Variants in USP47 observed in about 807,000 individuals in gnomAD.
The protein encoded by USP47 is ubiquitin specific peptidase 47.
A neutral mutation model predicts 165.1 loss-of-function variants in USP47; 35 were observed. The ratio of observed to expected loss-of-function variants is 0.21; its 90% CI spans 0.16 to 0.28. The LOEUF (loss-of-function observed/expected upper bound fraction) is 0.28, where lower values mean the gene tolerates loss of function less well. USP47 is among the 10% of genes least tolerant of loss of function. The probability of loss-of-function intolerance (pLI) is 1.00; values close to 1 mark genes in which losing one functional copy is unlikely to be tolerated. For missense variants in USP47, 1,277 were observed against 1,607.4 expected, an observed-to-expected ratio of 0.79 and a Z score of 3.52; for synonymous variants, 531 against 544.5, an observed-to-expected ratio of 0.98 and a Z score of 0.35.
rs1854541173 is a variant in USP47 at position 11,930,030 on chromosome 11, T to G, written c.1519-14T>G. 6.2e-7 allele frequency: 1 copy of G among 1,611,026 alleles called. No individual in the cohort carries two copies. Among genetic ancestry groups the G allele is most frequent in the East Asian group, 2.2e-5 (1 of 44,826 alleles). On this transcript the variant is annotated splice_polypyrimidine_tract_variant and intron_variant, in intron 12 of 27. Transcript: ENST00000527733. ...TATAGAATTTGCAAAAAAAATCATG[T>G]AACACATTTTCAGATAACACAAGAG...
intron 8 of USP47, among the ~76,000 whole-genome samples, chr11:11,905,932 C>T (rs763992023): frequency 2.0e-5 from 3 of 151,788 alleles, no homozygotes; most frequent in Non-Finnish European, 4.4e-5. Context: ...GATCCATACA[C>T]TTTTAAAATT....
chr11:11,918,024 A>G (rs528239324), intron 8 of USP47, among the ~76,000 whole-genome samples: 125 of 152,284 alleles, frequency 8.2e-4, no homozygotes, highest in African/African-American at 2.8e-3. Context: ...ATTGCTTATT[A>G]GCCGCGAGAG....
chr11:11,905,978 C>T (rs1366972193), intron 8 of USP47, among the ~76,000 whole-genome samples: 2 of 151,714 alleles, frequency 1.3e-5, no homozygotes. Flanking sequence ...ACAAACAGTC[C>T]ATATTTTTAA....
intron 8 of USP47, among the ~76,000 whole-genome samples, chr11:11,917,066 T>C (rs1160572829): frequency 6.6e-6 from 1 of 152,076 alleles, no homozygotes; most frequent in African/African-American, 2.4e-5. Context: ...GGTAAGAGAA[T>C]TGCTTGAGCC....
intron 1 of USP47, among the ~76,000 whole-genome samples, chr11:11,866,971 C>T (rs1849722889): frequency 6.6e-6 from 1 of 152,048 alleles, no homozygotes; most frequent in Non-Finnish European, 1.5e-5. Flanking sequence ...GATCTTGGCT[C>T]ACTGCAACTT....
rs1299120774 is a variant in USP47, at chr11:11,958,302, A to G, written c.*2127A>G. The G allele has an allele frequency of 1.3e-5, 2 of 152,236 alleles. No individual in the cohort carries two copies. The highest frequency in any genetic ancestry group is 3.8e-4 in the East Asian group (2 of 5,198). The allele number at this position is 152,236 out of a possible 1,614,324, so 9.4% of individuals were successfully genotyped here. On this transcript the variant is annotated 3_prime_UTR_variant, in exon 28 of 28. Coordinates refer to ENST00000527733, the MANE Select transcript of USP47 (RefSeq NM_001282659.2). Reference sequence around the variant, plus strand: ...AACTGCTGTTTCTAATTGCAGGTGTATTACAGATACAAATAAGAGTAAAGA... The same window carrying G: ...AACTGCTGTTTCTAATTGCAGGTGTGTTACAGATACAAATAAGAGTAAAGA...
rs79469618 is a variant in USP47, at chr11:11,944,928, A to G, written c.3091+1816A>G. On this transcript the variant is annotated intron_variant, in intron 20 of 27. Coordinates refer to ENST00000527733, the MANE Select transcript of USP47 (RefSeq NM_001282659.2). ...GTAGGAAAAATTTGATTCGATGGGAATACTTAGAATTATAGTTTGAAAAGT... is the reference window on the plus strand; with the variant it reads ...GTAGGAAAAATTTGATTCGATGGGAGTACTTAGAATTATAGTTTGAAAAGT... 5.8e-3 allele frequency among the ~76,000 whole-genome samples: 882 copies of G among 152,322 alleles called. 25 individuals are homozygous for G. The East Asian group carries it at 0.062, about 11-fold the overall frequency.
At chr11:11,891,751 A>G (rs972109247) in intron 3 of USP47, among the ~76,000 whole-genome samples, 1 of 152,220 alleles carries the variant, frequency 6.6e-6, no homozygotes, top group African/African-American at 2.4e-5. Flanking sequence ...CACGGAGTAC[A>G]ATGGTACTTT....
rs540825447 is a variant in USP47, at chr11:11,901,035, G to A, written c.594-1680G>A. Among the ~76,000 whole-genome samples, 13 of 152,280 alleles carry A rather than the reference G, an allele frequency of 8.5e-5. No individual in the cohort carries two copies. The East Asian group carries it at 2.1e-3, about 25-fold the overall frequency. Reference sequence around the variant, plus strand: ...AGCTGGGGATTGAGAATAGAAGAGGGGAGGATTAAAGCAGAAGTAAGGTAT... The same window carrying A: ...AGCTGGGGATTGAGAATAGAAGAGGAGAGGATTAAAGCAGAAGTAAGGTAT... On this transcript the variant is annotated intron_variant, in intron 5 of 27. Transcript: ENST00000527733.
chr11:11,917,380 C>T (rs1278246599), intron 8 of USP47, among the ~76,000 whole-genome samples: 1 of 152,136 alleles, frequency 6.6e-6, no homozygotes, highest in Non-Finnish European at 1.5e-5. Context: ...GAGCTTAACC[C>T]AACCAAGAGA....
intron 5 of USP47, among the ~76,000 whole-genome samples, chr11:11,902,184 C>A (rs1852273792): frequency 6.6e-6 from 1 of 152,118 alleles, no homozygotes; most frequent in African/African-American, 2.4e-5. Context: ...AATCAAGATC[C>A]ATATGAGCTG....
chr11:11,844,458 C>G (rs893344294), intron 1 of USP47, among the ~76,000 whole-genome samples: 6 of 152,156 alleles, frequency 3.9e-5, no homozygotes, highest in African/African-American at 1.4e-4. Context: ...TACCCCTCCA[C>G]TTTACAGTTA....
chr11:11,901,342 T>C (rs1457470632), intron 5 of USP47, among the ~76,000 whole-genome samples: 1 of 152,244 alleles, frequency 6.6e-6, no homozygotes, highest in Non-Finnish European at 1.5e-5. Flanking sequence ...GTAATCTTAC[T>C]CCTAACTTAA....
At chr11:11,842,356 A>T in intron 1 of USP47, 132 bp downstream of exon 1, 2 of 1,046,722 alleles carry the variant, frequency 1.9e-6, no homozygotes, top group Non-Finnish European at 2.7e-6. Flanking sequence ...GGCGTGAGGC[A>T]GTCGGGGGTG....
In USP47 at chr11:11,956,073, A is replaced by G; in HGVS notation, c.3966A>G (p.Arg1322=). 2 of 1,605,724 alleles carry G rather than the reference A, an allele frequency of 1.2e-6. No individual in the cohort carries two copies. The highest frequency in any genetic ancestry group is 1.7e-6 in the Non-Finnish European group (2 of 1,177,836). Residue 1322 remains arginine, a synonymous_variant, in exon 28 of 28, where the codon CGA becomes CGG. Transcript: ENST00000527733. The part of the protein sequence containing the change: ...RNELMKKESS[R]LQKTGHRVTY... ...AACTGATGAAAAAAGAAAGCAGTCG[A>G]CTCCAGAAGACTGGACATCGTGTAA... is the stretch of plus-strand genomic sequence containing the variant.
At chr11:11,843,206 G>C (rs1848238638) in intron 1 of USP47, among the ~76,000 whole-genome samples, 1 of 152,076 alleles carries the variant, frequency 6.6e-6, no homozygotes, top group African/African-American at 2.4e-5. Flanking sequence ...TTTTGTGCCT[G>C]TTTTACTTGT....
chr11:11,849,819 T>C (rs1193291450), intron 1 of USP47, among the ~76,000 whole-genome samples: 2 of 152,198 alleles, frequency 1.3e-5, no homozygotes, highest in African/African-American at 4.8e-5. Context: ...CTGGATGGGA[T>C]AGAATTTTTT....
intron 20 of USP47, among the ~76,000 whole-genome samples, chr11:11,945,947 AAAAGAAAAG>A (rs1306855490): frequency 5.1e-4 from 55 of 108,858 alleles, no homozygotes; most frequent in East Asian, 4.2e-3. Flanking sequence ...CCCCAAAAAA[AAAAGAAAAG>A]AAAAGAAAAG....
At chr11:11,937,864 G>C (rs1178687728) in intron 17 of USP47, among the ~76,000 whole-genome samples, 1 of 151,882 alleles carries the variant, frequency 6.6e-6, no homozygotes, top group African/African-American at 2.4e-5. Flanking sequence ...AAGTGATTAA[G>C]AGTTTAATTG....
Sources: allele counts gnomAD v4.1 joint callset (sites outside exome capture counted in the v4.1 genomes callset), GRCh38; gene constraint gnomAD v4.1.1; transcripts MANE v1.5; gene names NCBI Gene and HGNC (gene_info 2026-07-23, HGNC 2026-07-21).